FBXL13: variants seen among roughly 807,000 people sequenced by gnomAD.
FBXL13 encodes the protein F-box and leucine-rich repeat protein 13.
In FBXL13, 67 loss-of-function variants were observed where a neutral mutation model predicts 83.6. The ratio of observed to expected loss-of-function variants is 0.80; its 90% CI spans 0.66 to 0.98. The LOEUF (loss-of-function observed/expected upper bound fraction) is 0.98. Among genes scored for constraint, FBXL13 ranks in the 50% least tolerant of loss-of-function variants. The probability of loss-of-function intolerance (pLI) is 0.00; values close to 1 mark genes in which losing one functional copy is unlikely to be tolerated. For missense variants in FBXL13, 822 were observed against 866.5 expected (o/e 0.95, Z 0.64); for synonymous variants, 272 against 299.5 (o/e 0.91, Z 0.95).
At chr7:102,820,683 T>C (rs1227487827) in intron 19 of FBXL13, among the ~76,000 whole-genome samples, 3 of 152,204 alleles carry the variant, frequency 2.0e-5, no homozygotes, top group African/African-American at 4.8e-5. Context: ...CTCATAGTTA[T>C]AGAGGCTGGG....
At chr7:103,041,779 A>G (rs1163646327) in intron 2 of FBXL13, among the ~76,000 whole-genome samples, 3 of 152,228 alleles carry the variant, frequency 2.0e-5, no homozygotes, top group Non-Finnish European at 4.4e-5. Flanking sequence ...ACAGCCCTTC[A>G]TGCTAAAAAC....
chr7:102,945,692 A>C (rs73408255), intron 8 of FBXL13, among the ~76,000 whole-genome samples: 5,430 of 152,224 alleles, frequency 0.036, 297 homozygotes, highest in African/African-American at 0.12. Flanking sequence ...ATAAAGTGAA[A>C]AGAAATATTC....
chr7:102,850,018 A>G (rs760545103), intron 17 of FBXL13, among the ~76,000 whole-genome samples: 52 of 151,994 alleles, frequency 3.4e-4, no homozygotes, highest in Non-Finnish European at 6.6e-4. Flanking sequence ...TTTAGAAAAA[A>G]AAAAGAAAAA....
intron 6 of FBXL13, among the ~76,000 whole-genome samples, chr7:102,999,861 G>C (rs985603586): frequency 1.3e-5 from 2 of 151,618 alleles, no homozygotes; most frequent in Non-Finnish European, 2.9e-5. Context: ...TTATTGTGTT[G>C]ATCATTTGCA....
chr7:102,934,350 A>T (rs1302142457), intron 8 of FBXL13: 1 of 1,614,132 alleles, frequency 6.2e-7, no homozygotes, highest in Non-Finnish European at 8.5e-7. Context: ...GTCTTGACGG[A>T]GGAAGTGTTC....
chr7:102,939,460 C>T, intron 8 of FBXL13: 1 of 1,612,816 alleles, frequency 6.2e-7, no homozygotes, highest in African/African-American at 1.3e-5. Flanking sequence ...AACATCCCTC[C>T]AGATATTGTT....
intron 2 of FBXL13, among the ~76,000 whole-genome samples, chr7:103,047,905 G>A (rs112210232): frequency 0.039 from 5,935 of 152,074 alleles, 150 homozygotes; most frequent in East Asian, 0.15. Flanking sequence ...CATGTTAGCC[G>A]GGCTGGTCTC....
intron 18 of FBXL13, 69 bp downstream of exon 19, chr7:102,832,771 T>G: frequency 1.3e-6 from 2 of 1,583,952 alleles, no homozygotes; most frequent in Non-Finnish European, 1.7e-6. Context: ...CCAGCCCTGA[T>G]CGCTGTCCTG....
Position 103,017,845 on chromosome 7 carries a change from T to TTGGTTTTGGTGTAC in FBXL13, c.495+7217_495+7218insGTACACCAAAACCA, listed in dbSNP as rs1228049603. ...ATTATGTGAAAAGACCAAACCTAGT[T>TTGGTTTTGGTGTAC]CTGATTGGTGTACCTGAAAGTGACA... On this transcript the variant is annotated intron_variant, in intron 6 of 19. Coordinates refer to ENST00000313221, the Ensembl canonical transcript of FBXL13. Among the ~76,000 whole-genome samples, 3 of 152,138 alleles carry TTGGTTTTGGTGTAC rather than the reference T, an allele frequency of 2.0e-5. No homozygotes were observed. In the East Asian group the frequency reaches 5.8e-4, roughly 29 times the overall value.
chr7:102,999,247 T>A (rs1790142006), intron 6 of FBXL13, among the ~76,000 whole-genome samples: 1 of 152,216 alleles, frequency 6.6e-6, no homozygotes, highest in Non-Finnish European at 1.5e-5. Context: ...TGTTGAACCA[T>A]CTTTGCATCC....
intron 17 of FBXL13, among the ~76,000 whole-genome samples, chr7:102,848,760 A>C (rs547949520): frequency 1.3e-5 from 2 of 152,132 alleles, no homozygotes; most frequent in South Asian, 4.2e-4. Context: ...TTGGGAGGCC[A>C]AGGCAGGTGC....
chr7:102,927,847 G>A (rs1818427329), intron 9 of FBXL13, among the ~76,000 whole-genome samples: 1 of 152,210 alleles, frequency 6.6e-6, no homozygotes, highest in Admixed American at 6.5e-5. Flanking sequence ...AACCACGTGT[G>A]GCACTGTATT....
intron 6 of FBXL13, among the ~76,000 whole-genome samples, chr7:103,016,401 G>A (rs1792324660): frequency 6.6e-6 from 1 of 151,984 alleles, no homozygotes; most frequent in Admixed American, 6.6e-5. Context: ...GCAGAAGACG[G>A]GTGATTTCTG....
At chr7:103,020,476 G>A (rs192276631) in intron 6 of FBXL13, among the ~76,000 whole-genome samples, 1 of 152,178 alleles carries the variant, frequency 6.6e-6, no homozygotes, top group Non-Finnish European at 1.5e-5. Flanking sequence ...TCTGGCCAGG[G>A]CAATCAGGCA....
At chr7:102,846,286 G>T (rs1359597185) in intron 17 of FBXL13, among the ~76,000 whole-genome samples, 1 of 152,142 alleles carries the variant, frequency 6.6e-6, no homozygotes, top group African/African-American at 2.4e-5. Context: ...AATGTTTTGT[G>T]TTCAATCACT....
intron 17 of FBXL13, among the ~76,000 whole-genome samples, chr7:102,837,924 G>C (rs1364750955): frequency 6.6e-6 from 1 of 152,204 alleles, no homozygotes; most frequent in African/African-American, 2.4e-5. Context: ...CTTGAGGGTA[G>C]AATCCATGTC....
chr7:102,976,947 C>T (rs1200696217), intron 6 of FBXL13, among the ~76,000 whole-genome samples: 1 of 152,204 alleles, frequency 6.6e-6, no homozygotes, highest in African/African-American at 2.4e-5. Flanking sequence ...ACCCATTTTT[C>T]TGTTCTAGAC....
chr7:103,021,161 C>T (rs1275091412), intron 6 of FBXL13, among the ~76,000 whole-genome samples: 2 of 152,036 alleles, frequency 1.3e-5, no homozygotes, highest in African/African-American at 2.4e-5. Flanking sequence ...CAGAACAGAG[C>T]CCTCAGAAAT....
At chr7:102,823,927 C>G (rs999959007) in intron 18 of FBXL13, among the ~76,000 whole-genome samples, 3 of 152,026 alleles carry the variant, frequency 2.0e-5, no homozygotes, top group Non-Finnish European at 4.4e-5. Flanking sequence ...CTAGGTTGAT[C>G]TCTGAGGATC....
Sources: gnomAD v4.1 joint callset for allele counts (sites outside exome capture counted in the v4.1 genomes callset) on GRCh38, gnomAD v4.1.1 for gene constraint, MANE v1.5 for transcripts, NCBI Gene and HGNC (gene_info 2026-07-23, HGNC 2026-07-21) for gene names.